Variants in CRYBG1 observed in about 807,000 individuals in gnomAD.
The protein encoded by CRYBG1 is crystallin beta-gamma domain containing 1, also known as beta/gamma crystallin domain-containing protein 1.
A neutral mutation model predicts 189.2 loss-of-function variants in CRYBG1; 139 were observed. That is an observed-to-expected ratio of 0.73 (90% confidence interval 0.64 to 0.85). The LOEUF (loss-of-function observed/expected upper bound fraction) is 0.85. CRYBG1 is among the 40% of genes least tolerant of loss of function. The pLI, the probability that CRYBG1 is intolerant of heterozygous loss-of-function variation, is 0.00. For synonymous variants in CRYBG1, 1,023 were observed against 1,017.1 expected (o/e 1.01, Z -0.11); for missense variants, 2,611 against 2,675.8 (o/e 0.98, Z 0.53).
chr6:106,472,781 G>A (rs1772260437), intron 2 of CRYBG1, among the ~76,000 whole-genome samples: 1 of 151,528 alleles, frequency 6.6e-6, no homozygotes, highest in Non-Finnish European at 1.5e-5. Flanking sequence ...GCACGTGCCT[G>A]TAGTCCCAGC....
At chr6:106,378,697 T>TA (rs1290575206) in intron 1 of CRYBG1, among the ~76,000 whole-genome samples, 1 of 152,248 alleles carries the variant, frequency 6.6e-6, no homozygotes, top group Non-Finnish European at 1.5e-5. Flanking sequence ...GAATTTTAGC[T>TA]AATGCCTCTT....
intron 1 of CRYBG1, among the ~76,000 whole-genome samples, chr6:106,446,833 A>G (rs1771672081): frequency 1.3e-5 from 2 of 152,242 alleles, no homozygotes; most frequent in Admixed American, 6.5e-5. Flanking sequence ...GAGAATAGCC[A>G]TGCGGCTCTT....
At chr6:106,442,812 A>G (rs573957095) in intron 1 of CRYBG1, among the ~76,000 whole-genome samples, 1 of 152,346 alleles carries the variant, frequency 6.6e-6, no homozygotes, top group South Asian at 2.1e-4. Context: ...GCCATCAGTG[A>G]TAAGTAAGCT....
At chr6:106,562,357 A>G (rs1211167197) in intron 20 of CRYBG1, among the ~76,000 whole-genome samples, 1 of 152,236 alleles carries the variant, frequency 6.6e-6, no homozygotes, top group African/African-American at 2.4e-5. Context: ...TCTTAATCCA[A>G]GAAAATGGTG....
chr6:106,532,948 A>G (rs553208865), intron 8 of CRYBG1, among the ~76,000 whole-genome samples: 13 of 152,368 alleles, frequency 8.5e-5, no homozygotes, highest in Non-Finnish European at 1.3e-4. Context: ...TTAATCAAGC[A>G]TCTACCATGT....
chr6:106,536,669 C>T (rs1228995500), intron 8 of CRYBG1, among the ~76,000 whole-genome samples: 1 of 152,172 alleles, frequency 6.6e-6, no homozygotes, highest in Non-Finnish European at 1.5e-5. Context: ...ATTGTTATTA[C>T]TTTAACAATA....
At position 106,520,076 on chromosome 6, in the gene CRYBG1, G is replaced by A. The variant is rs965766531; in HGVS notation, c.2868G>A (p.Gln956=). The change falls in exon 4 of 22, where the codon CAG becomes CAA. Residue 956 remains glutamine (Q), a synonymous_variant. Coordinates refer to ENST00000633556, the MANE Select transcript of CRYBG1 (RefSeq NM_001371242.2). Reference sequence around the variant, plus strand: ...AGTGTCCATCCAGAGTCCTCGTCCAGGTCAGGTCCTTCGTGCTCCCCGTGG... The same window carrying A: ...AGTGTCCATCCAGAGTCCTCGTCCAAGTCAGGTCCTTCGTGCTCCCCGTGG... ...GSECPSRVLV[Q]VRSFVLPVES... The A allele has an allele frequency of 1.2e-6, 2 of 1,614,166 alleles. No individual in the cohort carries two copies. The highest frequency in any genetic ancestry group is 4.5e-5 in the East Asian group (2 of 44,888).
At chr6:106,527,613 T>C (rs1166238211) in intron 7 of CRYBG1, 143 bp downstream of exon 7, 1 of 869,304 alleles carries the variant, frequency 1.2e-6, no homozygotes, top group Non-Finnish European at 1.7e-6. Context: ...TTTAAGTATT[T>C]GTACACTTTA....
At chr6:106,377,619 T>TC (rs1562290407) in intron 1 of CRYBG1, among the ~76,000 whole-genome samples, 1 of 122,354 alleles carries the variant, frequency 8.2e-6, no homozygotes, top group Non-Finnish European at 1.6e-5. Context: ...AGTCCTAAGG[T>TC]TTTATATATA....
intron 2 of CRYBG1, among the ~76,000 whole-genome samples, chr6:106,509,539 G>A (rs1773201252): frequency 6.6e-6 from 1 of 152,194 alleles, no homozygotes; most frequent in African/African-American, 2.4e-5. Context: ...CGCAGCAGCA[G>A]CAGCTGTCTA....
chr6:106,419,945 T>A (rs1188399449), intron 1 of CRYBG1, among the ~76,000 whole-genome samples: 3 of 152,226 alleles, frequency 2.0e-5, no homozygotes, highest in Non-Finnish European at 2.9e-5. Flanking sequence ...AAGTCACTGA[T>A]CTAATCAGCT....
intron 3 of CRYBG1, among the ~76,000 whole-genome samples, chr6:106,513,730 G>A (rs535838888): frequency 2.0e-5 from 3 of 152,300 alleles, no homozygotes; most frequent in African/African-American, 7.2e-5. Flanking sequence ...GTGAGTTTAA[G>A]ATAATTCCAA....
chr6:106,447,680 T>A (rs148034942), intron 1 of CRYBG1, among the ~76,000 whole-genome samples: 1,556 of 152,168 alleles, frequency 0.01, 26 homozygotes, highest in African/African-American at 0.036. Flanking sequence ...CAAACATTTA[T>A]TAAGGTTGGC....
In CRYBG1 at chr6:106,545,120, C is replaced by T. The variant is rs542237215; in HGVS notation, c.5312+187C>T. 3.1e-3 allele frequency among the ~76,000 whole-genome samples: 469 copies of T among 152,228 alleles called. 6 individuals carry two copies. The highest frequency in any genetic ancestry group is 0.011 in the African/African-American group (449 of 41,524). ...ACTCTCTTTAAAAATCGTTCTCATACCATCTCTTCTTTTTACGTTTGGGGT... is the reference window on the plus strand; with the variant it reads ...ACTCTCTTTAAAAATCGTTCTCATATCATCTCTTCTTTTTACGTTTGGGGT... On this transcript the variant is annotated intron_variant, in intron 13 of 21. Transcript: ENST00000633556.
intron 8 of CRYBG1, among the ~76,000 whole-genome samples, chr6:106,532,493 A>G (rs35910317): frequency 0.54 from 82,273 of 152,070 alleles, 22,876 homozygotes; most frequent in East Asian, 0.71. Context: ...ACTGTTTTCC[A>G]TAATGGCTGT....
chr6:106,548,627 T>C (rs905879146), intron 13 of CRYBG1, among the ~76,000 whole-genome samples: 39 of 152,320 alleles, frequency 2.6e-4, no homozygotes, highest in Middle Eastern at 3.4e-3. Context: ...ATCTCTCTAC[T>C]TGTTACAGAC....
intron 18 of CRYBG1, among the ~76,000 whole-genome samples, chr6:106,559,699 T>A (rs1219251103): frequency 6.6e-6 from 1 of 150,894 alleles, no homozygotes; most frequent in Non-Finnish European, 1.5e-5. Context: ...GGCAGGAGAA[T>A]CACTTGAACC....
intron 1 of CRYBG1, among the ~76,000 whole-genome samples, chr6:106,434,283 G>A (rs985310919): frequency 6.6e-6 from 1 of 152,146 alleles, no homozygotes; most frequent in Admixed American, 6.5e-5. Context: ...AGAGGACACG[G>A]GCGTAAATAC....
chr6:106,515,497 T>A (rs538049996), intron 3 of CRYBG1, among the ~76,000 whole-genome samples: 7 of 152,340 alleles, frequency 4.6e-5, no homozygotes, highest in Admixed American at 6.5e-5. Context: ...TTGAATTGAG[T>A]ACCCTTCCTT....
Sources: gnomAD v4.1 joint callset for allele counts (sites outside exome capture counted in the v4.1 genomes callset) on GRCh38, gnomAD v4.1.1 for gene constraint, MANE v1.5 for transcripts, NCBI Gene and HGNC (gene_info 2026-07-23, HGNC 2026-07-21) for gene names.